SMYD3: variants seen among roughly 807,000 people sequenced by gnomAD.
SMYD3 encodes the protein SET and MYND domain containing 3.
SMYD3 carries 36 observed loss-of-function variants against 57.7 expected under a neutral mutation model. The observed-to-expected ratio is 0.62, with a 90% CI of 0.48 to 0.82. SMYD3 has a LOEUF of 0.82. Ranked by LOEUF, SMYD3 falls within the 40% of genes least tolerant of loss-of-function variation. The pLI is 0.00. For missense variants in SMYD3, 515 were observed against 538.8 expected, an observed-to-expected ratio of 0.96 and a Z score of 0.44; for synonymous variants, 211 against 195.0, an observed-to-expected ratio of 1.08 and a Z score of -0.68.
chr1:246,089,116 C>A, intron 5 of SMYD3, among the ~76,000 whole-genome samples: 1 of 152,066 alleles, frequency 6.6e-6, no homozygotes, highest in East Asian at 1.9e-4. Context: ...TACCTGGGAC[C>A]ACAGGCATGC....
chr1:245,843,558 G>GACA, intron 10 of SMYD3, among the ~76,000 whole-genome samples: 1 of 149,982 alleles, frequency 6.7e-6, no homozygotes, highest in Non-Finnish European at 1.5e-5. Context: ...GTGTGTGTGT[G>GACA]TGTGTGTGTG....
chr1:246,381,549 G>C (rs563315145), intron 1 of SMYD3, among the ~76,000 whole-genome samples: 1 of 152,276 alleles, frequency 6.6e-6, no homozygotes, highest in East Asian at 1.9e-4. Flanking sequence ...CATGAAGGAA[G>C]ACCAATGAAC....
At chr1:246,489,293 A>T (rs2068234315) in intron 1 of SMYD3, among the ~76,000 whole-genome samples, 1 of 152,172 alleles carries the variant, frequency 6.6e-6, no homozygotes, top group South Asian at 2.1e-4. Flanking sequence ...CTGAGGTTGC[A>T]GTGAGCCGAG....
At chr1:246,017,498 G>A (rs2059397964) in intron 5 of SMYD3, among the ~76,000 whole-genome samples, 1 of 152,132 alleles carries the variant, frequency 6.6e-6, no homozygotes, top group Admixed American at 6.5e-5. Flanking sequence ...TTATTTTGTT[G>A]TATAATGCGT....
At chr1:245,915,395 A>G (rs111836444) in intron 8 of SMYD3, 135 bp downstream of exon 8, 2 of 515,480 alleles carry the variant, frequency 3.9e-6, no homozygotes, top group African/African-American at 3.9e-5. Flanking sequence ...CAGTTCAATG[A>G]GTTATCTTAT....
intron 1 of SMYD3, among the ~76,000 whole-genome samples, chr1:246,457,210 G>A (rs1335768786): frequency 1.3e-5 from 2 of 151,810 alleles, no homozygotes; most frequent in African/African-American, 2.4e-5. Flanking sequence ...AATGTTCAAG[G>A]GTAAGAATAG....
At chr1:245,751,598 GAGAGAGAGAA>G (rs2045374741) in intron 11 of SMYD3, among the ~76,000 whole-genome samples, 1 of 140,748 alleles carries the variant, frequency 7.1e-6, no homozygotes, top group East Asian at 2.0e-4. Context: ...GAGAGAAAGA[GAGAGAGAGAA>G]AGAGAGAGAG....
chr1:246,367,557 T>C (rs1292139521), intron 1 of SMYD3, among the ~76,000 whole-genome samples: 2 of 152,116 alleles, frequency 1.3e-5, no homozygotes, highest in Admixed American at 1.3e-4. Context: ...CTCAACCTCC[T>C]GAGTAGCTGG....
chr1:246,417,569 A>C (rs914480325), intron 1 of SMYD3, among the ~76,000 whole-genome samples: 4 of 152,026 alleles, frequency 2.6e-5, no homozygotes, highest in African/African-American at 9.7e-5. Context: ...GGACGAGTTG[A>C]GTCTGTTCCT....
chr1:246,112,590 A>G (rs970898007), intron 5 of SMYD3, among the ~76,000 whole-genome samples: 3 of 152,216 alleles, frequency 2.0e-5, no homozygotes, highest in Non-Finnish European at 4.4e-5. Flanking sequence ...TTCCTCCTTC[A>G]TATGCTACAA....
chr1:246,224,692 T>TA (rs1160955972), intron 5 of SMYD3, among the ~76,000 whole-genome samples: 23 of 151,898 alleles, frequency 1.5e-4, no homozygotes, highest in African/African-American at 5.6e-4. Flanking sequence ...GATATGATGT[T>TA]ACGTTAGACT....
At chr1:245,764,556 T>C (rs970380262) in intron 10 of SMYD3, among the ~76,000 whole-genome samples, 1 of 152,124 alleles carries the variant, frequency 6.6e-6, no homozygotes, top group African/African-American at 2.4e-5. Context: ...TCTCAATATA[T>C]ATTTGTTGAA....
At position 246,202,840 on chromosome 1, in the gene SMYD3, T is replaced by G. The variant is rs958128922; in HGVS notation, c.531+124361A>C. On this transcript the variant is annotated intron_variant, in intron 5 of 11. Coordinates refer to ENST00000490107, the MANE Select transcript of SMYD3 (RefSeq NM_001167740.2). The surrounding 1 kb of genome is among the most constrained non-coding windows in gnomAD (Gnocchi z 4.1). ...CCACCTCTTCGCCCAGAAAATAAAG[T>G]CTGGAGGCTGGGTGAGGTGGCTCAC... Among the ~76,000 whole-genome samples the G allele has an allele frequency of 6.6e-6, 1 of 152,110 alleles. No individual in the cohort carries two copies. Among genetic ancestry groups the G allele is most frequent in the African/African-American group, 2.4e-5 (1 of 41,440 alleles).
intron 5 of SMYD3, among the ~76,000 whole-genome samples, chr1:246,087,937 A>C (rs1035189934): frequency 1.3e-5 from 2 of 152,130 alleles, no homozygotes; most frequent in South Asian, 4.1e-4. Flanking sequence ...TATTATTTTT[A>C]TCTAGTTGCA....
Position 246,003,456 on chromosome 1 carries a change from A to G in SMYD3, c.532-73519T>C, listed in dbSNP as rs75670545. Among the ~76,000 whole-genome samples, 429 of 152,338 alleles carry G rather than the reference A, an allele frequency of 2.8e-3. 5 individuals carry two copies. The highest frequency in any genetic ancestry group is 9.3e-3 in the African/African-American group (387 of 41,568). ...ATTATTGAGGAATATGGACAGCTGA[A>G]GTTCACACATTGTTACGTCCTATGG... On this transcript the variant is annotated intron_variant, in intron 5 of 11. Transcript: ENST00000490107.
chr1:245,919,258 A>G (rs964324682), intron 7 of SMYD3, among the ~76,000 whole-genome samples: 1 of 152,220 alleles, frequency 6.6e-6, no homozygotes, highest in African/African-American at 2.4e-5. Context: ...ATAAAGGCAC[A>G]CAAGGATTTC....
intron 10 of SMYD3, among the ~76,000 whole-genome samples, chr1:245,791,367 G>A (rs2047258285): frequency 6.6e-6 from 1 of 152,110 alleles, no homozygotes; most frequent in African/African-American, 2.4e-5. Flanking sequence ...TTAATGCAAC[G>A]GATCAGTTTA....
At chr1:246,408,385 CAT>C (rs2066904069) in intron 1 of SMYD3, among the ~76,000 whole-genome samples, 1 of 152,058 alleles carries the variant, frequency 6.6e-6, no homozygotes, top group Non-Finnish European at 1.5e-5. Context: ...TTTCAAAATA[CAT>C]GTTTATAAAA....
intron 1 of SMYD3, among the ~76,000 whole-genome samples, chr1:246,439,656 T>C (rs2067433669): frequency 6.6e-6 from 1 of 151,462 alleles, no homozygotes; most frequent in Non-Finnish European, 1.5e-5. Context: ...GACAGTTGTA[T>C]ATTCTCACAC....
Sources: gnomAD v4.1 joint callset for allele counts (sites outside exome capture counted in the v4.1 genomes callset) on GRCh38, gnomAD v4.1.1 for gene constraint, Gnocchi (gnomAD v3.1) non-coding constraint, MANE v1.5 for transcripts, NCBI Gene and HGNC (gene_info 2026-07-23, HGNC 2026-07-21) for gene names.